The following CSMD3 variants were observed in gnomAD, a reference collection of about 807,000 sequenced individuals.
CSMD3 encodes CUB and sushi domain-containing protein 3.
A neutral mutation model predicts 435.2 loss-of-function variants in CSMD3; 177 were observed. The observed-to-expected ratio is 0.41, with a 90% CI of 0.36 to 0.46. CSMD3 has a LOEUF of 0.46. Among genes scored for constraint, CSMD3 ranks in the 20% least tolerant of loss-of-function variants. The pLI, the probability that CSMD3 is intolerant of heterozygous loss-of-function variation, is 0.34. For synonymous variants in CSMD3, 1,656 were observed against 1,520.5 expected (o/e 1.09, Z -2.07); for missense variants, 4,265 against 4,504.6 (o/e 0.95, Z 1.52).
intron 23 of CSMD3, among the ~76,000 whole-genome samples, chr8:112,575,990 CTT>C (rs1178290036): frequency 6.6e-6 from 1 of 151,914 alleles, no homozygotes; most frequent in Non-Finnish European, 1.5e-5. Flanking sequence ...TAATATTTTC[CTT>C]GTGTTCCCCT....
At chr8:113,062,918 T>C (rs2088679833) in intron 5 of CSMD3, among the ~76,000 whole-genome samples, 1 of 151,752 alleles carries the variant, frequency 6.6e-6, no homozygotes, top group Non-Finnish European at 1.5e-5. Flanking sequence ...CTTTTATAGG[T>C]GACTTACATA....
chr8:112,462,135 G>A (rs576072098), intron 32 of CSMD3, among the ~76,000 whole-genome samples: 32 of 152,218 alleles, frequency 2.1e-4, no homozygotes, highest in Admixed American at 4.6e-4. Flanking sequence ...CCACTATTTC[G>A]CAGTAACCGC....
rs111472302 is a variant in CSMD3, at chr8:113,091,567, A to C, written c.917+7189T>G. On this transcript the variant is annotated intron_variant, in intron 5 of 70. Transcript: ENST00000297405. ...CCAATTTATTGGCATATAGTTAATC[A>C]CAGCAGCCACTGATGATTTTTTGAG... is the stretch of plus-strand genomic sequence containing the variant. Among the ~76,000 whole-genome samples the C allele has an allele frequency of 3.6e-3, 543 of 152,122 alleles. 3 individuals are homozygous for C. Among genetic ancestry groups the C allele is most frequent in the African/African-American group, 0.012 (507 of 41,534 alleles).
chr8:112,590,095 G>A (rs1009979692), intron 22 of CSMD3, among the ~76,000 whole-genome samples: 7 of 152,128 alleles, frequency 4.6e-5, no homozygotes. Context: ...GTGGCTAGAG[G>A]CAAATGATAG....
intron 5 of CSMD3, among the ~76,000 whole-genome samples, chr8:113,043,012 A>G (rs1374557983): frequency 1.3e-5 from 2 of 152,178 alleles, no homozygotes; most frequent in East Asian, 3.8e-4. Flanking sequence ...CTCAACATAT[A>G]TAAACAAAAT....
In CSMD3 at chr8:112,351,165, T is replaced by C. The variant is rs1826104164; in HGVS notation, c.6325+10A>G. On this transcript the variant is annotated intron_variant, in intron 40 of 70. Transcript: ENST00000297405. ...TTCTAGGGTAAATACTTTATAGTCT[T>C]TTAACTTACCTAAACAAATTGGGAT... 5 of 1,541,612 alleles carry C rather than the reference T, an allele frequency of 3.2e-6. No homozygotes were observed. The highest frequency in any genetic ancestry group is 4.5e-6 in the Non-Finnish European group (5 of 1,114,858).
At chr8:112,299,902 C>T (rs936204058) in intron 53 of CSMD3, among the ~76,000 whole-genome samples, 2 of 151,518 alleles carry the variant, frequency 1.3e-5, no homozygotes, top group Non-Finnish European at 2.9e-5. Flanking sequence ...ATAAATATTC[C>T]TGTTATGCCC....
chr8:112,584,321 G>A (rs1586735912), intron 23 of CSMD3, among the ~76,000 whole-genome samples: 1 of 151,632 alleles, frequency 6.6e-6, no homozygotes. Context: ...AGGCGTGCCA[G>A]TAATCAAAAC....
intron 16 of CSMD3, among the ~76,000 whole-genome samples, chr8:112,680,826 A>G (rs1258762792): frequency 6.6e-6 from 1 of 152,198 alleles, no homozygotes; most frequent in African/African-American, 2.4e-5. Context: ...TGCTTCAATT[A>G]AATTTGTTGT....
chr8:112,312,865 C>T (rs989270636), intron 49 of CSMD3, among the ~76,000 whole-genome samples: 2 of 152,024 alleles, frequency 1.3e-5, no homozygotes, highest in African/African-American at 2.4e-5. Context: ...TGTCTATGCC[C>T]GGAATCATAG....
At chr8:112,676,675 A>G (rs1351802947) in intron 16 of CSMD3, among the ~76,000 whole-genome samples, 1 of 152,134 alleles carries the variant, frequency 6.6e-6, no homozygotes, top group Non-Finnish European at 1.5e-5. Context: ...GCATTCACCA[A>G]TGAATAATAA....
intron 5 of CSMD3, among the ~76,000 whole-genome samples, chr8:113,020,977 C>A (rs1470228482): frequency 6.6e-6 from 1 of 152,306 alleles, no homozygotes; most frequent in Admixed American, 6.5e-5. Flanking sequence ...AGTGGATGAC[C>A]ACCTGCCCAT....
intron 38 of CSMD3, among the ~76,000 whole-genome samples, chr8:112,375,117 T>G (rs1361295593): frequency 1.3e-5 from 2 of 152,190 alleles, no homozygotes; most frequent in Admixed American, 1.3e-4. Flanking sequence ...CTTTCTTACA[T>G]TTTTTAGTTT....
chr8:112,477,407 T>C (rs1166559609), intron 31 of CSMD3, among the ~76,000 whole-genome samples: 2 of 152,128 alleles, frequency 1.3e-5, no homozygotes, highest in Non-Finnish European at 2.9e-5. Flanking sequence ...TAGTAGCAAA[T>C]CCATGCTGAT....
At chr8:112,802,982 A>C (rs1167336376) in intron 12 of CSMD3, among the ~76,000 whole-genome samples, 1 of 152,152 alleles carries the variant, frequency 6.6e-6, no homozygotes, top group Non-Finnish European at 1.5e-5. Flanking sequence ...TCTTTCTCCT[A>C]AACAGCTAAT....
At chr8:112,945,848 C>A (rs986933290) in intron 9 of CSMD3, among the ~76,000 whole-genome samples, 1 of 151,586 alleles carries the variant, frequency 6.6e-6, no homozygotes, top group African/African-American at 2.4e-5. Context: ...GGTAATCAAG[C>A]ACTTTCTTTT....
intron 12 of CSMD3, among the ~76,000 whole-genome samples, chr8:112,821,368 C>T (rs1587392163): frequency 6.6e-6 from 1 of 151,786 alleles, no homozygotes; most frequent in Non-Finnish European, 1.5e-5. Flanking sequence ...TAATATCTCA[C>T]TGTGGTTTTG....
intron 13 of CSMD3, among the ~76,000 whole-genome samples, chr8:112,692,911 T>TTG (rs753566318): frequency 2.8e-5 from 4 of 144,094 alleles, no homozygotes; most frequent in Admixed American, 7.3e-5. Flanking sequence ...AAATTAATCT[T>TTG]TATATCTATC....
intron 6 of CSMD3, among the ~76,000 whole-genome samples, chr8:113,009,189 C>G (rs758107152): frequency 6.6e-6 from 1 of 151,518 alleles, no homozygotes; most frequent in Non-Finnish European, 1.5e-5. Flanking sequence ...GTGAGGGATA[C>G]CAAAGCTCTC....
Sources: gnomAD v4.1 joint callset for allele counts (sites outside exome capture counted in the v4.1 genomes callset) on GRCh38, gnomAD v4.1.1 for gene constraint, MANE v1.5 for transcripts, NCBI Gene and HGNC (gene_info 2026-07-23, HGNC 2026-07-21) for gene names.